Variants in MAN2A1 observed in about 807,000 individuals in gnomAD.
MAN2A1 encodes mannosidase alpha class 2A member 1.
In MAN2A1, 76 loss-of-function variants were observed where a neutral mutation model predicts 142.6. The ratio of observed to expected loss-of-function variants is 0.53; its 90% CI spans 0.44 to 0.65. MAN2A1 has a LOEUF of 0.65. MAN2A1 is among the 30% of genes least tolerant of loss of function. The pLI is 0.00. For missense variants in MAN2A1, 1,311 were observed against 1,365.1 expected, an observed-to-expected ratio of 0.96 and a Z score of 0.62; for synonymous variants, 559 against 473.2, an observed-to-expected ratio of 1.18 and a Z score of -2.35.
chr5:109,754,465 C>T (rs1752627977), intron 4 of MAN2A1, among the ~76,000 whole-genome samples: 1 of 152,104 alleles, frequency 6.6e-6, no homozygotes, highest in African/African-American at 2.4e-5. Flanking sequence ...GGGCAAAGTA[C>T]TTTATGATGT....
chr5:109,759,887 T>C (rs1752791406), intron 5 of MAN2A1, among the ~76,000 whole-genome samples: 1 of 152,046 alleles, frequency 6.6e-6, no homozygotes, highest in Non-Finnish European at 1.5e-5. Context: ...TATTGGCCAG[T>C]GGTATACCCT....
intron 20 of MAN2A1, among the ~76,000 whole-genome samples, chr5:109,859,979 T>C (rs996824598): frequency 6.6e-6 from 1 of 151,976 alleles, no homozygotes; most frequent in Non-Finnish European, 1.5e-5. Context: ...CTCTATGTAA[T>C]TTATTTTGAT....
At chr5:109,728,658 A>C (rs1473966129) in intron 3 of MAN2A1, among the ~76,000 whole-genome samples, 1 of 152,236 alleles carries the variant, frequency 6.6e-6, no homozygotes, top group Non-Finnish European at 1.5e-5. Context: ...GCAAACTGTC[A>C]ACATCTACAG....
chr5:109,736,683 A>G (rs994856583), intron 4 of MAN2A1, among the ~76,000 whole-genome samples: 2 of 151,818 alleles, frequency 1.3e-5, no homozygotes, highest in African/African-American at 4.8e-5. Context: ...TTGTTTTGGG[A>G]ATCTGATTTT....
chr5:109,804,271 C>G, intron 12 of MAN2A1: 1 of 987,424 alleles, frequency 1.0e-6, no homozygotes, highest in Non-Finnish European at 1.2e-6. Context: ...CACCTCACAA[C>G]TTTGTGGTAA....
intron 3 of MAN2A1, among the ~76,000 whole-genome samples, chr5:109,726,920 A>G (rs896528420): frequency 1.3e-5 from 2 of 152,220 alleles, no homozygotes; most frequent in African/African-American, 4.8e-5. Flanking sequence ...GTGATATCTT[A>G]AAGACGATAA....
rs575966431 is a variant in MAN2A1 at position 109,801,394 on chromosome 5, T to G, written c.1943+11867T>G. Among the ~76,000 whole-genome samples, 75 of 152,344 alleles carry G rather than the reference T, an allele frequency of 4.9e-4. 1 individual carries two copies. The highest frequency in any genetic ancestry group is 4.9e-3 in the Admixed American group (75 of 15,296). On this transcript the variant is annotated intron_variant, in intron 12 of 21. Coordinates refer to ENST00000261483, the MANE Select transcript of MAN2A1 (RefSeq NM_002372.4). ...TCAGAATTTCCACATACTGGAATTC[T>G]AATTACATGTCATTGTCCAGAACTG...
At chr5:109,784,368 GGTCTAT>G (rs1047164658) in intron 9 of MAN2A1, among the ~76,000 whole-genome samples, 1 of 152,040 alleles carries the variant, frequency 6.6e-6, no homozygotes, top group Non-Finnish European at 1.5e-5. Flanking sequence ...TGATGTTCAT[GGTCTAT>G]GTGTGTGTTG....
rs886754914 is a variant in MAN2A1, at chr5:109,798,474, G to C, written c.1943+8947G>C. On this transcript the variant is annotated intron_variant, in intron 12 of 21. Transcript: ENST00000261483. ...GTTTAAAACGGAACTCCTCTTCCCT[G>C]CTTGAACCTGTTCTGTGGTCCCAAG... Among the ~76,000 whole-genome samples, 3 of 151,904 alleles carry C rather than the reference G, an allele frequency of 2.0e-5. No individual in the cohort carries two copies. In the East Asian group the frequency reaches 6.2e-4, roughly 31 times the overall value.
intron 1 of MAN2A1, among the ~76,000 whole-genome samples, chr5:109,698,148 G>T (rs971884367): frequency 6.6e-6 from 1 of 152,190 alleles, no homozygotes; most frequent in Non-Finnish European, 1.5e-5. Flanking sequence ...AGCCCAGTCT[G>T]ATTGCTTGGG....
At chr5:109,829,604 G>C (rs1454233749) in intron 16 of MAN2A1, among the ~76,000 whole-genome samples, 1 of 152,138 alleles carries the variant, frequency 6.6e-6, no homozygotes, top group East Asian at 1.9e-4. Context: ...TTTGTCTTCA[G>C]AATCATACTG....
chr5:109,802,488 G>A, intron 12 of MAN2A1, among the ~76,000 whole-genome samples: 1 of 152,060 alleles, frequency 6.6e-6, no homozygotes, highest in East Asian at 1.9e-4. Context: ...ATTGGTTTGG[G>A]CGAATTATGA....
chr5:109,763,384 C>T (rs1270694326), intron 5 of MAN2A1, among the ~76,000 whole-genome samples: 1 of 151,980 alleles, frequency 6.6e-6, no homozygotes, highest in East Asian at 1.9e-4. Context: ...GGCCCAGTTA[C>T]TTTCTTTTTA....
intron 1 of MAN2A1, among the ~76,000 whole-genome samples, chr5:109,706,184 A>G (rs940875707): frequency 4.6e-5 from 7 of 152,200 alleles, no homozygotes; most frequent in African/African-American, 1.7e-4. Flanking sequence ...AGATGAGGAA[A>G]CTGCAGCACA....
chr5:109,730,558 A>AT (rs756737676), intron 4 of MAN2A1, among the ~76,000 whole-genome samples: 103 of 96,286 alleles, frequency 1.1e-3, no homozygotes, highest in African/African-American at 8.4e-3. Flanking sequence ...TAAAAAACTG[A>AT]TTAAAAAAAA....
At chr5:109,716,026 T>C in intron 2 of MAN2A1, 94 bp from the exon 3 acceptor site, 1 of 746,680 alleles carries the variant, frequency 1.3e-6, no homozygotes. Flanking sequence ...AAAATACATA[T>C]GCAGAGTATA....
intron 3 of MAN2A1, among the ~76,000 whole-genome samples, chr5:109,719,415 C>G (rs1272296603): frequency 2.0e-5 from 3 of 152,130 alleles, no homozygotes; most frequent in Non-Finnish European, 4.4e-5. Context: ...CTGTGAAAAA[C>G]TGAATTATTC....
rs148269323 is a variant in MAN2A1 at position 109,770,451 on chromosome 5, A to G, written c.1106A>G (p.Gln369Arg). 6.2e-7 allele frequency: 1 copy of G among 1,613,836 alleles called. No individual in the cohort carries two copies. The highest frequency in any genetic ancestry group is 1.3e-5 in the African/African-American group (1 of 74,920). Reference sequence around the variant, plus strand: ...GGACCTGATCCTAAAATATGCTGCCAGTTTGATTTTAAACGTCTTCCTGGA... The same window carrying G: ...GGACCTGATCCTAAAATATGCTGCCGGTTTGATTTTAAACGTCTTCCTGGA... ...TCGPDPKICCQFDFKRLPGGR... is the reference protein window; with the variant it reads ...TCGPDPKICCRFDFKRLPGGR... Residue 369 changes from glutamine (Q) to arginine (R), a missense_variant, in exon 7 of 22, where the codon CAG becomes CGG. Gln to Arg is a conservative substitution (Grantham distance 43). Coordinates refer to ENST00000261483, the MANE Select transcript of MAN2A1 (RefSeq NM_002372.4).
chr5:109,848,812 G>C (rs894683612), intron 19 of MAN2A1, among the ~76,000 whole-genome samples: 1 of 152,110 alleles, frequency 6.6e-6, no homozygotes, highest in African/African-American at 2.4e-5. Context: ...CCTTCCTTCA[G>C]ACTCTTATTT....
Sources: gnomAD v4.1 joint callset for allele counts (sites outside exome capture counted in the v4.1 genomes callset) on GRCh38, gnomAD v4.1.1 for gene constraint, MANE v1.5 for transcripts, NCBI Gene and HGNC (gene_info 2026-07-23, HGNC 2026-07-21) for gene names.